Variants in ZFHX3 observed in about 807,000 individuals in gnomAD.
ZFHX3 encodes zinc finger homeobox 3.
ZFHX3 carries 42 observed loss-of-function variants against 279.1 expected under a neutral mutation model. The ratio of observed to expected loss-of-function variants is 0.15; its 90% CI spans 0.12 to 0.19. ZFHX3 has a LOEUF of 0.19. Ranked by LOEUF, ZFHX3 falls within the 10% of genes least tolerant of loss-of-function variation. The pLI is 1.00. For synonymous variants in ZFHX3, 2,293 were observed against 1,957.8 expected, an observed-to-expected ratio of 1.17 and a Z score of -4.52; for missense variants, 4,981 against 4,754.0, an observed-to-expected ratio of 1.05 and a Z score of -1.40.
intron 5 of ZFHX3, among the ~76,000 whole-genome samples, chr16:73,248,204 G>C (rs1171416362): frequency 6.6e-6 from 1 of 151,476 alleles, no homozygotes. Flanking sequence ...ATGTGTCTGT[G>C]TGTATATATG....
chr16:73,409,029 A>T lies in ZFHX3; in HGVS notation c.-1291+46974T>A, dbSNP rs538895059. ...TTAGTTTAAACACTTCGTTCTCTGC[A>T]TTCAATCCAGGGATTCATTCATTTG... On this transcript the variant is annotated intron_variant, in intron 3 of 17. Transcript: ENST00000641206. 6.6e-5 allele frequency among the ~76,000 whole-genome samples: 10 copies of T among 152,316 alleles called. 1 individual carries two copies. Among genetic ancestry groups the T allele is most frequent in the African/African-American group, 2.4e-4 (10 of 41,564 alleles).
intron 1 of ZFHX3, among the ~76,000 whole-genome samples, chr16:73,787,724 G>A (rs1249218009): frequency 6.6e-6 from 1 of 152,104 alleles, no homozygotes; most frequent in East Asian, 1.9e-4. Context: ...ATCATAAGAA[G>A]TGACTTCATA....
intron 3 of ZFHX3, among the ~76,000 whole-genome samples, chr16:73,367,461 T>A (rs886816686): frequency 6.6e-6 from 1 of 152,128 alleles, no homozygotes; most frequent in African/African-American, 2.4e-5. Flanking sequence ...TTTGACTGGG[T>A]CATGTGTTCA....
At chr16:73,049,216 C>A (rs923824577), upstream of ZFHX3, among the ~76,000 whole-genome samples, 2 of 152,208 alleles carry the variant, frequency 1.3e-5, no homozygotes, top group African/African-American at 4.8e-5. Context: ...CAGAATCCCA[C>A]CCTCAGTCTG....
At chr16:73,014,518 C>CTTTTTTTTTTTTTTT (rs1000108439) in intron 1 of ZFHX3, 5 of 63,406 alleles carry the variant, frequency 7.9e-5, no homozygotes, top group African/African-American at 3.1e-4. Context: ...ATTTCTTCTT[C>CTTTTTTTTTTTTTTT]TTTTTTTTTT....
At chr16:73,378,189 C>T (rs2143360252) in intron 3 of ZFHX3, among the ~76,000 whole-genome samples, 1 of 152,126 alleles carries the variant, frequency 6.6e-6, no homozygotes, top group South Asian at 2.1e-4. Flanking sequence ...AGGCCTGCTA[C>T]TCCCACTAAC....
At chr16:73,890,688 T>G (rs2030505089) in intron 1 of ZFHX3, among the ~76,000 whole-genome samples, 1 of 152,162 alleles carries the variant, frequency 6.6e-6, no homozygotes, top group Admixed American at 6.5e-5. Context: ...AGTCATCTTC[T>G]CTTTCCTGTA....
intron 2 of ZFHX3, among the ~76,000 whole-genome samples, chr16:73,525,302 G>A (rs972428224): frequency 3.3e-5 from 5 of 152,134 alleles, no homozygotes; most frequent in African/African-American, 1.2e-4. Context: ...TATTTATAAA[G>A]CTTTCCACAC....
intron 1 of ZFHX3, among the ~76,000 whole-genome samples, chr16:72,971,210 T>C (rs955052102): frequency 1.3e-5 from 2 of 152,314 alleles, no homozygotes; most frequent in Non-Finnish European, 2.9e-5. Context: ...CTTATACACA[T>C]TGCATAATTT....
chr16:73,854,014 G>A (rs1222230074), intron 1 of ZFHX3, among the ~76,000 whole-genome samples: 3 of 152,132 alleles, frequency 2.0e-5, no homozygotes, highest in African/African-American at 7.2e-5. Flanking sequence ...GACTCTTGCA[G>A]GGCCTTTCAG....
chr16:73,854,328 C>G (rs1961663491), intron 1 of ZFHX3, among the ~76,000 whole-genome samples: 1 of 152,236 alleles, frequency 6.6e-6, no homozygotes, highest in African/African-American at 2.4e-5. Flanking sequence ...GAGTTCAAGA[C>G]AAGCCTGGCC....
intron 2 of ZFHX3, among the ~76,000 whole-genome samples, chr16:73,470,728 G>A (rs1396733357): frequency 6.6e-6 from 1 of 152,112 alleles, no homozygotes; most frequent in East Asian, 1.9e-4. Context: ...TGGCACACAG[G>A]AAATTAAATG....
chr16:73,069,492 T>G (rs1399697912), intron 8 of ZFHX3, among the ~76,000 whole-genome samples: 1 of 152,170 alleles, frequency 6.6e-6, no homozygotes. Context: ...AAATTAGCCA[T>G]GCAGTGCTAT....
At chr16:73,661,252 G>A (rs1046861915) in intron 2 of ZFHX3, among the ~76,000 whole-genome samples, 13 of 152,118 alleles carry the variant, frequency 8.5e-5, no homozygotes, top group Admixed American at 7.9e-4. Flanking sequence ...TGAAGAGTAG[G>A]TTATGATGTA....
chr16:72,837,035 T>A (rs1014663395), intron 4 of ZFHX3, among the ~76,000 whole-genome samples: 1 of 152,136 alleles, frequency 6.6e-6, no homozygotes, highest in African/African-American at 2.4e-5. Context: ...TCTGCGTGTA[T>A]GATAAGCAAA....
intron 7 of ZFHX3, among the ~76,000 whole-genome samples, chr16:73,111,506 A>C (rs1213822605): frequency 6.6e-6 from 1 of 151,510 alleles, no homozygotes; most frequent in African/African-American, 2.4e-5. Flanking sequence ...AATAAAAGGA[A>C]CTCTACACTC....
At chr16:73,774,342 G>C (rs1409787415) in intron 1 of ZFHX3, among the ~76,000 whole-genome samples, 1 of 152,176 alleles carries the variant, frequency 6.6e-6, no homozygotes, top group African/African-American at 2.4e-5. Flanking sequence ...AAGGCTGAGA[G>C]AAAGGGGATT....
At chr16:73,325,168 C>T (rs1031338341) in intron 3 of ZFHX3, among the ~76,000 whole-genome samples, 5 of 152,132 alleles carry the variant, frequency 3.3e-5, no homozygotes, top group African/African-American at 1.2e-4. Flanking sequence ...AATATGGTAG[C>T]TCAGTCCAGG....
intron 5 of ZFHX3, among the ~76,000 whole-genome samples, chr16:73,194,568 T>C (rs1165140715): frequency 1.3e-5 from 2 of 152,146 alleles, no homozygotes; most frequent in African/African-American, 4.8e-5. Context: ...TAAGGAAAAG[T>C]ATCTGGTATA....
Sources: gnomAD v4.1 joint callset for allele counts (sites outside exome capture counted in the v4.1 genomes callset) on GRCh38, gnomAD v4.1.1 for gene constraint, MANE v1.5 for transcripts, NCBI Gene and HGNC (gene_info 2026-07-23, HGNC 2026-07-21) for gene names.